Variants in TC2N observed in about 807,000 individuals in gnomAD.
TC2N encodes tandem C2 domains, nuclear.
A neutral mutation model predicts 61.9 loss-of-function variants in TC2N; 51 were observed. The observed-to-expected ratio is 0.82, with a 90% confidence interval of 0.66 to 1.04. TC2N has a LOEUF of 1.04. Among genes scored for constraint, TC2N ranks in the 50% least tolerant of loss-of-function variants. The pLI is 0.00. For missense variants in TC2N, 556 were observed against 566.7 expected (o/e 0.98, Z 0.19); for synonymous variants, 204 against 192.6 (o/e 1.06, Z -0.49).
intron 3 of TC2N, among the ~76,000 whole-genome samples, chr14:91,803,374 C>CAT (rs202004215): frequency 2.0e-4 from 26 of 131,948 alleles, no homozygotes; most frequent in East Asian, 8.9e-4. Flanking sequence ...CATATACATA[C>CAT]ATATATACAC....
rs529499080 is a variant in TC2N, at chr14:91,819,502, C to T, written c.-56-5677G>A. On this transcript the variant is annotated intron_variant, in intron 1 of 11. Transcript: ENST00000435962. ...TAGGTGACATAAAGACTTCTTCAGA[C>T]ATACAAAAGTTGAAAGAACATATTA... Among the ~76,000 whole-genome samples, 8 of 152,212 alleles carry T rather than the reference C, an allele frequency of 5.3e-5. No homozygotes were observed. In the South Asian group the frequency reaches 1.7e-3, roughly 32 times the overall value.
chr14:91,844,356 A>G (rs1888224179), intron 1 of TC2N, among the ~76,000 whole-genome samples: 1 of 152,210 alleles, frequency 6.6e-6, no homozygotes, highest in African/African-American at 2.4e-5. Context: ...GAAACGGGGG[A>G]GGAAGAGCCA....
At chr14:91,861,182 A>G (rs1234529707) in intron 1 of TC2N, among the ~76,000 whole-genome samples, 1 of 152,200 alleles carries the variant, frequency 6.6e-6, no homozygotes, top group Non-Finnish European at 1.5e-5. Flanking sequence ...TAGGATGGAG[A>G]GACTGGAAAT....
Position 91,819,950 on chromosome 14 carries a change from TACTC to T in TC2N, c.-56-6129_-56-6126del, listed in dbSNP as rs538752958. ...GAGATAAAATGGAATAATTTTAAAA[TACTC>T]AATTAATAAAAGAAAGCAGAAAAAG... On this transcript the variant is annotated intron_variant, in intron 1 of 11. Coordinates refer to ENST00000435962, the MANE Select transcript of TC2N (RefSeq NM_001128596.3). Among the ~76,000 whole-genome samples the T allele has an allele frequency of 1.2e-3, 188 of 151,932 alleles. 1 individual carries two copies. The highest frequency in any genetic ancestry group is 3.4e-3 in the African/African-American group (143 of 41,474).
intron 1 of TC2N, among the ~76,000 whole-genome samples, chr14:91,821,667 A>T (rs970283023): frequency 6.6e-6 from 1 of 152,132 alleles, no homozygotes. Context: ...AATTGAAATT[A>T]AAAACTTTGT....
chr14:91,805,107 A>G (rs1458719617), intron 3 of TC2N, among the ~76,000 whole-genome samples: 1 of 152,224 alleles, frequency 6.6e-6, no homozygotes, highest in Non-Finnish European at 1.5e-5. Flanking sequence ...TGGACCACAT[A>G]TACGACAGTG....
chr14:91,819,189 G>A (rs1214982053), intron 1 of TC2N, among the ~76,000 whole-genome samples: 1 of 152,100 alleles, frequency 6.6e-6, no homozygotes, highest in African/African-American at 2.4e-5. Flanking sequence ...ATATAGTTGA[G>A]CATGGTGGTG....
intron 1 of TC2N, among the ~76,000 whole-genome samples, chr14:91,853,376 A>T (rs1445493050): frequency 6.6e-6 from 1 of 152,146 alleles, no homozygotes; most frequent in Non-Finnish European, 1.5e-5. Flanking sequence ...GTTAAATGAT[A>T]TATACACAGC....
chr14:91,807,798 G>T (rs756147147), intron 3 of TC2N, among the ~76,000 whole-genome samples: 11 of 152,170 alleles, frequency 7.2e-5, no homozygotes, highest in Non-Finnish European at 1.0e-4. Context: ...GAAATGTGAG[G>T]ATGTGAGACT....
intron 1 of TC2N, among the ~76,000 whole-genome samples, chr14:91,822,642 C>T (rs1251089039): frequency 6.7e-6 from 1 of 150,308 alleles, no homozygotes; most frequent in East Asian, 1.9e-4. Context: ...AGATGAAGCA[C>T]AGAGAGGGAC....
At chr14:91,855,010 T>A (rs2139921758) in intron 1 of TC2N, among the ~76,000 whole-genome samples, 1 of 152,238 alleles carries the variant, frequency 6.6e-6, no homozygotes, top group Admixed American at 6.5e-5. Context: ...GGCTGGGAGC[T>A]GAGTTTGGGA....
In TC2N at chr14:91,797,822, G is replaced by A. The variant is rs1313419132; in HGVS notation, c.818C>T (p.Pro273Leu). ...CTTGGCTGAAGATTTGAAATGCACT[G>A]GTTTGGGCAATGTAAGTATTCCTTT... Reference protein sequence around the residue: ...SIKGILTLPKPVHFKSSAKEG... With the variant: ...SIKGILTLPKLVHFKSSAKEG... The change falls in exon 8 of 12, where the codon CCA (proline) becomes CTA (leucine). Residue 273 changes from proline to leucine, a missense_variant. Physicochemically the swap from Pro to Leu is moderately conservative, Grantham distance 98. Transcript: ENST00000435962. The A allele has an allele frequency of 1.2e-6, 2 of 1,609,948 alleles. No individual in the cohort carries two copies. The highest frequency in any genetic ancestry group is 2.2e-5 in the South Asian group (2 of 90,688).
chr14:91,792,457 T>A lies in TC2N; in HGVS notation c.957A>T (p.Lys319Asn). Reference sequence around the variant, plus strand: ...GTGACATTGAGCATTCTCCAATGGTTTTCTTCCTGGGAGTCTGGGTTTGAA... The same window carrying A: ...GTGACATTGAGCATTCTCCAATGGTATTCTTCCTGGGAGTCTGGGTTTGAA... ...FKIQTQTPRK[K>N]TIGECSMSLR... The change falls in exon 9 of 12, where the codon AAA (lysine) becomes AAT (asparagine). Residue 319 changes from lysine (K) to asparagine (N), a missense_variant. Transcript: ENST00000435962. 1.2e-6 allele frequency: 2 copies of A among 1,611,622 alleles called. No individual in the cohort carries two copies. The highest frequency in any genetic ancestry group is 1.7e-6 in the Non-Finnish European group (2 of 1,178,340).
Position 91,796,878 on chromosome 14 carries a change from C to T in TC2N, c.855+907G>A, listed in dbSNP as rs558773247. Among the ~76,000 whole-genome samples, 9 of 152,224 alleles carry T rather than the reference C, an allele frequency of 5.9e-5. No individual in the cohort carries two copies. In the South Asian group the frequency reaches 1.7e-3, roughly 28 times the overall value. On this transcript the variant is annotated intron_variant, in intron 8 of 11. Transcript: ENST00000435962. ...CCTAGGAAACTAATACACATAGGTA[C>T]ACCATTAGGTTTTTCAACCATTCCT...
chr14:91,820,985 A>C (rs999125326), intron 1 of TC2N, among the ~76,000 whole-genome samples: 1 of 152,060 alleles, frequency 6.6e-6, no homozygotes, highest in Admixed American at 6.6e-5. Context: ...TCCCATGTTC[A>C]TGGATTGGAA....
intron 1 of TC2N, among the ~76,000 whole-genome samples, chr14:91,864,105 G>A (rs748173236): frequency 6.6e-6 from 1 of 152,120 alleles, no homozygotes; most frequent in Admixed American, 6.5e-5. Flanking sequence ...ATTTGGTGGG[G>A]GTCTGGGTTT....
intron 3 of TC2N, among the ~76,000 whole-genome samples, chr14:91,803,710 C>G (rs1886372742): frequency 6.6e-6 from 1 of 152,200 alleles, no homozygotes; most frequent in Non-Finnish European, 1.5e-5. Flanking sequence ...ACCGCCTCAG[C>G]CTCCCAAAGT....
intron 1 of TC2N, among the ~76,000 whole-genome samples, chr14:91,845,240 TAAATAA>T (rs979318604): frequency 5.1e-5 from 3 of 58,376 alleles, no homozygotes; most frequent in Non-Finnish European, 1.1e-4. Context: ...TCAAAATAAA[TAAATAA>T]ATAAATAAAT....
intron 1 of TC2N, among the ~76,000 whole-genome samples, chr14:91,840,872 C>G (rs1023273429): frequency 6.6e-6 from 1 of 152,116 alleles, no homozygotes; most frequent in Non-Finnish European, 1.5e-5. Context: ...TGGGTGGTCA[C>G]AGATGCTCCA....
Sources: allele counts gnomAD v4.1 joint callset (sites outside exome capture counted in the v4.1 genomes callset), GRCh38; gene constraint gnomAD v4.1.1; transcripts MANE v1.5; gene names NCBI Gene and HGNC (gene_info 2026-07-23, HGNC 2026-07-21).